The following LRRC49 variants were observed in gnomAD, a reference collection of about 807,000 sequenced individuals.
The protein encoded by LRRC49 is leucine-rich repeat-containing protein 49.
LRRC49 carries 50 observed loss-of-function variants against 83.3 expected under a neutral mutation model. The observed-to-expected ratio is 0.60, with a 90% CI of 0.48 to 0.76. LRRC49 has a LOEUF of 0.76. Among genes scored for constraint, LRRC49 ranks in the 30% least tolerant of loss-of-function variants. LRRC49 has a pLI of 0.00. For missense variants in LRRC49, 704 were observed against 809.1 expected (o/e 0.87, Z 1.58); for synonymous variants, 286 against 283.3 (o/e 1.01, Z -0.10).
chr15:71,025,079 A>G (rs1357820050), intron 14 of LRRC49, among the ~76,000 whole-genome samples: 1 of 152,214 alleles, frequency 6.6e-6, no homozygotes, highest in Non-Finnish European at 1.5e-5. Flanking sequence ...TGACTGGGGA[A>G]CCTGAAAGAG....
At chr15:70,970,785 G>T (rs1389696231) in intron 9 of LRRC49, among the ~76,000 whole-genome samples, 3 of 152,178 alleles carry the variant, frequency 2.0e-5, no homozygotes, top group Admixed American at 2.0e-4. Context: ...GGTGTTTATA[G>T]TATTCTCTGA....
At chr15:70,875,849 TC>T (rs1169318870) in intron 2 of LRRC49, among the ~76,000 whole-genome samples, 1 of 152,224 alleles carries the variant, frequency 6.6e-6, no homozygotes, top group Non-Finnish European at 1.5e-5. Flanking sequence ...TGTTGCCATG[TC>T]CCAATAATTT....
At chr15:70,956,038 T>G (rs2036389126) in intron 8 of LRRC49, among the ~76,000 whole-genome samples, 1 of 152,142 alleles carries the variant, frequency 6.6e-6, no homozygotes, top group Non-Finnish European at 1.5e-5. Flanking sequence ...TTCATTAAGA[T>G]TATTTCAGAG....
intron 1 of LRRC49, chr15:70,859,727 G>T: frequency 1.4e-6 from 1 of 696,502 alleles, no homozygotes. Context: ...CGCAGATGTG[G>T]AGCAGCGTGG....
At chr15:70,970,828 A>T (rs2036968326) in intron 9 of LRRC49, among the ~76,000 whole-genome samples, 1 of 151,776 alleles carries the variant, frequency 6.6e-6, no homozygotes, top group Admixed American at 6.6e-5. Context: ...ATCAGTGGTG[A>T]TCTCCCCTTT....
chr15:70,956,905 G>A (rs1158169241), intron 8 of LRRC49, among the ~76,000 whole-genome samples: 1 of 152,098 alleles, frequency 6.6e-6, no homozygotes, highest in Non-Finnish European at 1.5e-5. Context: ...GCAGTTGCCC[G>A]GATAGTACTT....
upstream of LRRC49, among the ~76,000 whole-genome samples, chr15:70,889,490 C>A (rs1226035772): frequency 6.6e-6 from 1 of 152,042 alleles, no homozygotes; most frequent in Non-Finnish European, 1.5e-5. Flanking sequence ...TACACATGTT[C>A]AGTTTATGAT....
chr15:70,926,403 T>G (rs555320102), intron 7 of LRRC49, among the ~76,000 whole-genome samples: 2 of 152,244 alleles, frequency 1.3e-5, no homozygotes, highest in South Asian at 4.2e-4. Context: ...ACATATATAT[T>G]TTGGTGGACA....
chr15:70,859,642 G>T, intron 1 of LRRC49: 1 of 644,056 alleles, frequency 1.6e-6, no homozygotes, highest in Non-Finnish European at 3.0e-6. Flanking sequence ...TCTCCGAGAT[G>T]AACTGGAACA....
intron 14 of LRRC49, among the ~76,000 whole-genome samples, chr15:71,033,730 A>T (rs2039431185): frequency 6.6e-6 from 1 of 152,060 alleles, no homozygotes; most frequent in African/African-American, 2.4e-5. Context: ...CAGAAATAAG[A>T]CCACACATCT....
At chr15:70,997,321 T>C (rs940406669) in intron 11 of LRRC49, among the ~76,000 whole-genome samples, 8 of 152,248 alleles carry the variant, frequency 5.3e-5, no homozygotes, top group Non-Finnish European at 1.0e-4. Context: ...TGATATAAAA[T>C]CTATTTAACG....
At chr15:71,015,904 A>T (rs2038809916) in intron 14 of LRRC49, among the ~76,000 whole-genome samples, 1 of 152,228 alleles carries the variant, frequency 6.6e-6, no homozygotes, top group Non-Finnish European at 1.5e-5. Flanking sequence ...CTAAATGTCC[A>T]TCAATAGAGC....
chr15:71,026,357 A>C (rs868579781), intron 14 of LRRC49, among the ~76,000 whole-genome samples: 1 of 152,116 alleles, frequency 6.6e-6, no homozygotes, highest in Non-Finnish European at 1.5e-5. Context: ...TGCTATTATA[A>C]ATAGTGCTGC....
intron 7 of LRRC49, among the ~76,000 whole-genome samples, chr15:70,924,366 G>A (rs1398539277): frequency 6.6e-6 from 1 of 151,668 alleles, no homozygotes; most frequent in Non-Finnish European, 1.5e-5. Context: ...CTTCCTATTT[G>A]TTATATTTTC....
chr15:71,009,603 G>C (rs1486753720), intron 12 of LRRC49: 2 of 427,228 alleles, frequency 4.7e-6, no homozygotes, highest in African/African-American at 4.1e-5. Context: ...ATTCAATATT[G>C]GATGGATTCC....
intron 4 of LRRC49, among the ~76,000 whole-genome samples, chr15:70,901,369 C>T: frequency 6.6e-6 from 1 of 152,146 alleles, no homozygotes; most frequent in East Asian, 1.9e-4. Flanking sequence ...CCTGTTACTT[C>T]ACTGGCTTCA....
At chr15:70,926,339 A>G (rs1019029400) in intron 7 of LRRC49, among the ~76,000 whole-genome samples, 5 of 152,058 alleles carry the variant, frequency 3.3e-5, no homozygotes, top group African/African-American at 9.7e-5. Context: ...TCAGTCTCCC[A>G]AAGTTCTGGA....
chr15:70,861,547 C>T (rs1369628596), intron 1 of LRRC49, among the ~76,000 whole-genome samples: 1 of 151,928 alleles, frequency 6.6e-6, no homozygotes, highest in Non-Finnish European at 1.5e-5. Flanking sequence ...TCCCACTCCC[C>T]TAAGTTTGAG....
intron 5 of LRRC49, among the ~76,000 whole-genome samples, chr15:70,906,646 C>T (rs116664321): frequency 0.011 from 1,636 of 152,286 alleles, 31 homozygotes; most frequent in African/African-American, 0.037. Context: ...AGAATTTACT[C>T]ATTAAGTTGT....
Sources: gnomAD v4.1 joint callset for allele counts (sites outside exome capture counted in the v4.1 genomes callset) on GRCh38, gnomAD v4.1.1 for gene constraint, MANE v1.5 for transcripts, NCBI Gene and HGNC (gene_info 2026-07-23, HGNC 2026-07-21) for gene names.